Variants in ARHGAP20 observed in about 807,000 individuals in gnomAD.
ARHGAP20 encodes Rho GTPase activating protein 20, also known as rho GTPase-activating protein 20.
A neutral mutation model predicts 73.7 loss-of-function variants in ARHGAP20; 34 were observed. The ratio of observed to expected loss-of-function variants is 0.46; its 90% CI spans 0.35 to 0.61. The LOEUF (loss-of-function observed/expected upper bound fraction) is 0.61, where lower values mean the gene tolerates loss of function less well. Among genes scored for constraint, ARHGAP20 ranks in the 20% least tolerant of loss-of-function variants. The pLI, the probability that ARHGAP20 is intolerant of heterozygous loss-of-function variation, is 0.00. For synonymous variants in ARHGAP20, 523 were observed against 518.2 expected, an observed-to-expected ratio of 1.01 and a Z score of -0.13; for missense variants, 1,314 against 1,420.9, an observed-to-expected ratio of 0.92 and a Z score of 1.21.
chr11:110,577,304 C>CAAATCATACAATATAATACTT lies in ARHGAP20; in HGVS notation c.*2045_*2065dup. On this transcript the variant is annotated 3_prime_UTR_variant, in exon 15 of 15. Transcript: ENST00000683387. ...AATAAAATGACATATAGTCTGTCTT[C>CAAATCATACAATATAATACTT]AAATCATACAATATAATACTTTACA... 1 of 1,359,568 alleles carries CAAATCATACAATATAATACTT rather than the reference C, an allele frequency of 7.4e-7. No individual in the cohort carries two copies. 84.2% of individuals were successfully genotyped at this position (1,359,568 alleles called of 1,614,324 possible).
chr11:110,615,322 C>T (rs1338468539), intron 5 of ARHGAP20, among the ~76,000 whole-genome samples: 2 of 152,152 alleles, frequency 1.3e-5, no homozygotes, highest in African/African-American at 2.4e-5. Context: ...AATGATTTAA[C>T]TAGACCTCAA....
In ARHGAP20 at chr11:110,577,108, T is replaced by G. The variant is rs1021987792; in HGVS notation, c.*2262A>C. The G allele has an allele frequency of 4.6e-6, 7 of 1,533,098 alleles. No homozygotes were observed. In the African/African-American group the frequency reaches 9.6e-5, roughly 21 times the overall value. 95.0% of individuals were successfully genotyped at this position (1,533,098 alleles called of 1,614,324 possible). A position where few individuals can be genotyped will look rare whatever the true frequency, so the allele number is the denominator to read the frequency against. ...GCATGGACTTCATACATATCCATTA[T>G]CAGTGCCTTGAAAACCAAACAACTT... On this transcript the variant is annotated 3_prime_UTR_variant, in exon 15 of 15. Coordinates refer to ENST00000683387, the MANE Select transcript of ARHGAP20 (RefSeq NM_001384657.1).
In ARHGAP20 at chr11:110,579,617, C is replaced by A. The variant is rs138835399; in HGVS notation, c.3329G>T (p.Cys1110Phe). The change falls in exon 15 of 15, where the codon TGT becomes TTT. Residue 1110 changes from cysteine to phenylalanine, a missense_variant. Physicochemically the swap from Cys to Phe is radical, Grantham distance 205 (BLOSUM62 -2). Coordinates refer to ENST00000683387, the MANE Select transcript of ARHGAP20 (RefSeq NM_001384657.1). ...GLSPVQSAQRCSSSPFQDSER... is the reference protein window; with the variant it reads ...GLSPVQSAQRFSSSPFQDSER... Reference sequence around the variant, plus strand: ...TGAGTCCTGGAAGGGAGAAGAACTACACCTTTGGGCTGACTGCACAGGGGA... The same window carrying A: ...TGAGTCCTGGAAGGGAGAAGAACTAAACCTTTGGGCTGACTGCACAGGGGA... 6.2e-7 allele frequency: 1 copy of A among 1,614,060 alleles called. No homozygotes were observed. The highest frequency in any genetic ancestry group is 8.5e-7 in the Non-Finnish European group (1 of 1,180,026).
chr11:110,662,770 A>T (rs547668773), intron 2 of ARHGAP20, among the ~76,000 whole-genome samples: 2 of 152,046 alleles, frequency 1.3e-5, no homozygotes, highest in South Asian at 4.1e-4. Flanking sequence ...TTCTCTAAAG[A>T]TAATTTGCCT....
At chr11:110,667,473 A>C (rs1949744962) in intron 2 of ARHGAP20, among the ~76,000 whole-genome samples, 1 of 152,194 alleles carries the variant, frequency 6.6e-6, no homozygotes, top group African/African-American at 2.4e-5. Flanking sequence ...TTCCTTTCAA[A>C]ACATTACTGC....
chr11:110,593,296 C>G, intron 9 of ARHGAP20, among the ~76,000 whole-genome samples: 1 of 152,110 alleles, frequency 6.6e-6, no homozygotes. Flanking sequence ...TCATTTGTGT[C>G]TAATTTTAAC....
Position 110,577,466 on chromosome 11 carries a change from A to G in ARHGAP20, c.*1904T>C. The G allele has an allele frequency of 2.0e-5, 20 of 986,546 alleles. No individual in the cohort carries two copies. Among genetic ancestry groups the G allele is most frequent in the Non-Finnish European group, 2.4e-5 (20 of 841,444 alleles). 61.1% of individuals were successfully genotyped at this position (986,546 alleles called of 1,614,324 possible). On this transcript the variant is annotated 3_prime_UTR_variant, in exon 15 of 15. Transcript: ENST00000683387. ...TTGGGTGAATGATTTTTTACCTGCT[A>G]ACATGAAAAAAAAAAAAAAGGCAAT...
intron 1 of ARHGAP20, chr11:110,711,819 C>T: frequency 3.0e-6 from 4 of 1,323,592 alleles, no homozygotes; most frequent in Non-Finnish European, 2.9e-6. Context: ...GCCCGCGCGC[C>T]TAGACTGAGG....
intron 1 of ARHGAP20, among the ~76,000 whole-genome samples, chr11:110,702,623 A>G (rs1214443923): frequency 2.6e-5 from 4 of 152,172 alleles, no homozygotes; most frequent in Admixed American, 6.5e-5. Context: ...ACATGATTGT[A>G]TATCTAGAAA....
At chr11:110,613,065 A>G (rs563181320) in intron 6 of ARHGAP20, among the ~76,000 whole-genome samples, 8 of 152,362 alleles carry the variant, frequency 5.3e-5, no homozygotes, top group Admixed American at 3.3e-4. Context: ...TGAAGAATCT[A>G]TCCTCCCAAT....
rs1310154901 is a variant in ARHGAP20, at chr11:110,589,564, T to C, written c.1305+1084A>G. ...TGGTGCATTCCAATCCTTTGGGAGG[T>C]GAGAGCCTGACACAGGTCTGCAGAA... On this transcript the variant is annotated intron_variant, in intron 11 of 14. Coordinates refer to ENST00000683387, the MANE Select transcript of ARHGAP20 (RefSeq NM_001384657.1). 3 of 985,392 alleles carry C rather than the reference T, an allele frequency of 3.0e-6. No individual in the cohort carries two copies. In the East Asian group the frequency reaches 3.4e-4, roughly 112 times the overall value. The allele number at this position is 985,392 out of a possible 1,614,324, so 61.0% of individuals were successfully genotyped here.
intron 2 of ARHGAP20, among the ~76,000 whole-genome samples, chr11:110,635,276 GGAACATGTTTTAAAA>G (rs1948942140): frequency 6.6e-6 from 1 of 151,838 alleles, no homozygotes; most frequent in Non-Finnish European, 1.5e-5. Context: ...TCATCAACAG[GGAACATGTTTTAAAA>G]ATGCAAATTC....
intron 12 of ARHGAP20, among the ~76,000 whole-genome samples, chr11:110,584,028 G>C (rs112789997): frequency 6.6e-6 from 1 of 151,986 alleles, no homozygotes; most frequent in Non-Finnish European, 1.5e-5. Flanking sequence ...ATATTTCCCT[G>C]AAACTAGCAT....
intron 2 of ARHGAP20, among the ~76,000 whole-genome samples, chr11:110,683,363 A>C (rs1459317457): frequency 6.6e-6 from 1 of 152,090 alleles, no homozygotes; most frequent in African/African-American, 2.4e-5. Flanking sequence ...AAAAATCTCC[A>C]TTTTCCCTAT....
chr11:110,591,937 C>T, intron 10 of ARHGAP20, 40 bp downstream of exon 10: 16 of 1,596,680 alleles, frequency 1.0e-5, no homozygotes, highest in Admixed American at 1.7e-5. Flanking sequence ...CTTTCCCAAA[C>T]ACCCTTTCCC....
intron 2 of ARHGAP20, among the ~76,000 whole-genome samples, chr11:110,635,435 C>G (rs1349196614): frequency 6.6e-6 from 1 of 152,092 alleles, no homozygotes; most frequent in African/African-American, 2.4e-5. Flanking sequence ...CAACTCTCTT[C>G]ATTAGTCTAC....
At chr11:110,588,494 G>T (rs941022486) in intron 11 of ARHGAP20, among the ~76,000 whole-genome samples, 4 of 152,138 alleles carry the variant, frequency 2.6e-5, no homozygotes, top group Non-Finnish European at 5.9e-5. Flanking sequence ...TAAAACAAAA[G>T]CTTAAGAACT....
rs1035268533 is a variant in ARHGAP20, at chr11:110,577,776, C to T, written c.*1594G>A. 4.1e-6 allele frequency: 4 copies of T among 985,754 alleles called. No homozygotes were observed. The highest frequency in any genetic ancestry group is 4.8e-6 in the Non-Finnish European group (4 of 829,928). 61.1% of individuals were successfully genotyped at this position (985,754 alleles called of 1,614,324 possible). On this transcript the variant is annotated 3_prime_UTR_variant, in exon 15 of 15. Coordinates refer to ENST00000683387, the MANE Select transcript of ARHGAP20 (RefSeq NM_001384657.1). ...TGGTTAGCGCAAACAGGGCCATGTC[C>T]CCAAGAGGTAGGTAGCACCTATAGC... is the stretch of plus-strand genomic sequence containing the variant.
intron 1 of ARHGAP20, among the ~76,000 whole-genome samples, chr11:110,705,551 TTAAC>T (rs1950537264): frequency 6.6e-6 from 1 of 152,244 alleles, no homozygotes; most frequent in African/African-American, 2.4e-5. Context: ...AAGATTATCC[TTAAC>T]TTTTATTTTA....
Sources: allele counts gnomAD v4.1 joint callset (sites outside exome capture counted in the v4.1 genomes callset), GRCh38; gene constraint gnomAD v4.1.1; transcripts MANE v1.5; gene names NCBI Gene and HGNC (gene_info 2026-07-23, HGNC 2026-07-21).